Variants in PDE4D observed in about 807,000 individuals in gnomAD.
PDE4D encodes phosphodiesterase 4D.
Under a neutral mutation model 87.4 loss-of-function variants are expected in PDE4D, and 24 were observed. The observed-to-expected ratio is 0.27, with a 90% CI of 0.20 to 0.39. PDE4D has a LOEUF of 0.39. PDE4D is among the 10% of genes least tolerant of loss of function. The probability of loss-of-function intolerance (pLI) is 1.00; values close to 1 mark genes in which losing one functional copy is unlikely to be tolerated. For synonymous variants in PDE4D, 384 were observed against 383.2 expected (o/e 1.00, Z -0.02); for missense variants, 714 against 1,041.0 (o/e 0.69, Z 4.32).
intron 4 of PDE4D, among the ~76,000 whole-genome samples, chr5:59,184,494 T>C (rs892399755): frequency 1.3e-5 from 2 of 152,186 alleles, no homozygotes; most frequent in African/African-American, 4.8e-5. Context: ...AAATGTTTTT[T>C]TTCCTTCTGG....
intron 1 of PDE4D, among the ~76,000 whole-genome samples, chr5:59,611,011 C>T (rs1441659737): frequency 6.6e-6 from 1 of 152,094 alleles, no homozygotes; most frequent in East Asian, 1.9e-4. Flanking sequence ...ACATACAAAT[C>T]TTATTCAAAT....
chr5:59,565,056 C>T (rs1001328097), intron 1 of PDE4D, among the ~76,000 whole-genome samples: 10 of 152,050 alleles, frequency 6.6e-5, no homozygotes, highest in Non-Finnish European at 1.2e-4. Context: ...ACACTTTCCA[C>T]CAGGAGGGTG....
intron 1 of PDE4D, among the ~76,000 whole-genome samples, chr5:60,368,867 C>A (rs1389507216): frequency 1.3e-5 from 2 of 152,084 alleles, no homozygotes; most frequent in Admixed American, 6.5e-5. Context: ...GAGGCCTCCC[C>A]AGAAGCAGAA....
chr5:59,078,338 T>C (rs1481176102), intron 5 of PDE4D, among the ~76,000 whole-genome samples: 1 of 152,186 alleles, frequency 6.6e-6, no homozygotes, highest in African/African-American at 2.4e-5. Flanking sequence ...GAATAACATC[T>C]GTAGTATATC....
chr5:59,134,718 A>G (rs1038590474), intron 5 of PDE4D, among the ~76,000 whole-genome samples: 1 of 152,200 alleles, frequency 6.6e-6, no homozygotes, highest in African/African-American at 2.4e-5. Context: ...CAGGGGACCC[A>G]CAGTGGTAGC....
rs74530554 is a variant in PDE4D at position 60,398,269 on chromosome 5, C to A, written c.-90+89673G>T. Among the ~76,000 whole-genome samples, 218 of 152,300 alleles carry A rather than the reference C, an allele frequency of 1.4e-3. 1 individual carries two copies. Among genetic ancestry groups the A allele is most frequent in the African/African-American group, 3.6e-3 (148 of 41,550 alleles). ...TAGCTTCTTCCATCCACCACTCACA[C>A]AACACATTGGCCAAATCAAGTCAGG... On this transcript the variant is annotated intron_variant, in intron 1 of 16. Coordinates refer to the PDE4D transcript ENST00000502484.
chr5:59,664,875 CT>C (rs1745812232), intron 1 of PDE4D, among the ~76,000 whole-genome samples: 1 of 152,158 alleles, frequency 6.6e-6, no homozygotes, highest in African/African-American at 2.4e-5. Flanking sequence ...TTATCATTAT[CT>C]TTAGATACTT....
At position 60,035,669 on chromosome 5, in the gene PDE4D, A is replaced by G. The variant is rs145150591; in HGVS notation, c.43-46952T>C. ...AAAATTTGTAGTGGGTTAATCTTCA[A>G]TGGCAGAGGTGAGGGTGGCCACCCC... On this transcript the variant is annotated intron_variant, in intron 2 of 16. Transcript: ENST00000502484. Among the ~76,000 whole-genome samples the G allele has an allele frequency of 7.7e-4, 118 of 152,332 alleles. 1 individual carries two copies. The highest frequency in any genetic ancestry group is 2.7e-3 in the African/African-American group (112 of 41,584).
At chr5:59,559,677 T>C (rs995382750) in intron 1 of PDE4D, among the ~76,000 whole-genome samples, 4 of 152,128 alleles carry the variant, frequency 2.6e-5, no homozygotes, top group Non-Finnish European at 4.4e-5. Flanking sequence ...AACATTTTGA[T>C]AAAATACACT....
rs571847956 is a variant in PDE4D at position 60,371,826 on chromosome 5, T to A, written c.-90+116116A>T. Reference sequence around the variant, plus strand: ...ATTTTTTAGATTCATCCATATTGTATGTATTGAAGCTCATTCTTCTTTATT... The same window carrying A: ...ATTTTTTAGATTCATCCATATTGTAAGTATTGAAGCTCATTCTTCTTTATT... On this transcript the variant is annotated intron_variant, in intron 1 of 16. Coordinates refer to the PDE4D transcript ENST00000502484. Among the ~76,000 whole-genome samples the A allele has an allele frequency of 2.6e-5, 4 of 152,328 alleles. No homozygotes were observed. In the South Asian group the frequency reaches 8.3e-4, roughly 32 times the overall value.
At chr5:59,646,758 G>A (rs569506945) in intron 1 of PDE4D, among the ~76,000 whole-genome samples, 1 of 152,162 alleles carries the variant, frequency 6.6e-6, no homozygotes, top group East Asian at 1.9e-4. Flanking sequence ...ACAATAGGCC[G>A]GGTGCGGTAG....
intron 1 of PDE4D, among the ~76,000 whole-genome samples, chr5:59,677,061 A>C (rs1748210704): frequency 6.6e-6 from 1 of 152,170 alleles, no homozygotes; most frequent in Admixed American, 6.5e-5. Flanking sequence ...AAAGGAAAAA[A>C]AGAGAAAAAA....
At chr5:59,581,272 A>T (rs1313954042) in intron 1 of PDE4D, among the ~76,000 whole-genome samples, 1 of 152,118 alleles carries the variant, frequency 6.6e-6, no homozygotes, top group Non-Finnish European at 1.5e-5. Context: ...CTGGTTGTTT[A>T]GTTTTTTTGG....
chr5:59,277,903 A>G (rs1181643380), intron 1 of PDE4D, among the ~76,000 whole-genome samples: 1 of 152,124 alleles, frequency 6.6e-6, no homozygotes, highest in Non-Finnish European at 1.5e-5. Context: ...GGCATCTACT[A>G]AAGACTGTAT....
At chr5:59,270,215 A>G (rs1167077142) in intron 1 of PDE4D, among the ~76,000 whole-genome samples, 1 of 152,214 alleles carries the variant, frequency 6.6e-6, no homozygotes, top group Admixed American at 6.5e-5. Flanking sequence ...AGTTTACCTC[A>G]TGCTCAAAAC....
chr5:59,990,670 C>T (rs778564308), intron 2 of PDE4D, among the ~76,000 whole-genome samples: 2 of 152,152 alleles, frequency 1.3e-5, no homozygotes, highest in Admixed American at 1.3e-4. Context: ...CTTACTGAGT[C>T]TTTATTAAGT....
intron 1 of PDE4D, among the ~76,000 whole-genome samples, chr5:60,407,886 G>T (rs1038167192): frequency 6.6e-6 from 1 of 152,244 alleles, no homozygotes; most frequent in South Asian, 2.1e-4. Flanking sequence ...CCTTGAACTC[G>T]GTGGGTTTTG....
intron 1 of PDE4D, among the ~76,000 whole-genome samples, chr5:60,347,729 T>A (rs1385241425): frequency 6.6e-6 from 1 of 152,168 alleles, no homozygotes; most frequent in East Asian, 1.9e-4. Context: ...TCCCGATAGC[T>A]TCAGCCCACC....
intron 1 of PDE4D, among the ~76,000 whole-genome samples, chr5:59,755,350 G>T (rs1447410732): frequency 1.3e-5 from 2 of 152,036 alleles, no homozygotes; most frequent in Non-Finnish European, 1.5e-5. Flanking sequence ...AATGACGCTA[G>T]TTCCAAATTA....
Sources: allele counts gnomAD v4.1 joint callset (sites outside exome capture counted in the v4.1 genomes callset), GRCh38; gene constraint gnomAD v4.1.1; transcripts MANE v1.5; gene names NCBI Gene and HGNC (gene_info 2026-07-23, HGNC 2026-07-21).